The following CADPS variants were observed in gnomAD, a reference collection of about 807,000 sequenced individuals.
CADPS encodes calcium dependent secretion activator, also known as calcium-dependent secretion activator 1.
A neutral mutation model predicts 167.3 loss-of-function variants in CADPS; 57 were observed. That is an observed-to-expected ratio of 0.34 (90% CI 0.28 to 0.42). CADPS has a LOEUF of 0.42. Among genes scored for constraint, CADPS ranks in the 20% least tolerant of loss-of-function variants. The pLI, the probability that CADPS is intolerant of heterozygous loss-of-function variation, is 1.00. For synonymous variants in CADPS, 676 were observed against 635.3 expected, an observed-to-expected ratio of 1.06 and a Z score of -0.96; for missense variants, 1,414 against 1,738.1, an observed-to-expected ratio of 0.81 and a Z score of 3.32.
At chr3:62,508,245 C>T (rs1404517593) in intron 17 of CADPS, among the ~76,000 whole-genome samples, 1 of 152,158 alleles carries the variant, frequency 6.6e-6, no homozygotes, top group Admixed American at 6.6e-5. Context: ...TCTTGAATAG[C>T]ACATAGGACA....
intron 21 of CADPS, among the ~76,000 whole-genome samples, chr3:62,486,563 G>A (rs2062854343): frequency 6.6e-6 from 1 of 151,966 alleles, no homozygotes. Flanking sequence ...TGAGAAATGA[G>A]AATCCCAGAT....
intron 17 of CADPS, among the ~76,000 whole-genome samples, chr3:62,503,635 A>C (rs1266043763): frequency 1.3e-5 from 2 of 152,196 alleles, no homozygotes; most frequent in African/African-American, 4.8e-5. Context: ...CAGCTCATTT[A>C]ATTATTTTCA....
chr3:62,627,643 A>T (rs1299103362), intron 6 of CADPS, among the ~76,000 whole-genome samples: 3 of 16,438 alleles, frequency 1.8e-4, no homozygotes, highest in Admixed American at 1.2e-3. Flanking sequence ...ATACAGAATT[A>T]AAAAAATGTA....
At chr3:62,467,121 A>G (rs1216264024) in intron 24 of CADPS, among the ~76,000 whole-genome samples, 1 of 152,202 alleles carries the variant, frequency 6.6e-6, no homozygotes, top group East Asian at 1.9e-4. Flanking sequence ...CCCCACACAA[A>G]TAAAAATCTG....
Position 62,420,743 on chromosome 3 carries a change from G to A in CADPS, c.3777+17361C>T, listed in dbSNP as rs2051125864. Among the ~76,000 whole-genome samples the A allele has an allele frequency of 6.6e-6, 1 of 152,124 alleles. No homozygotes were observed. The highest frequency in any genetic ancestry group is 2.4e-5 in the African/African-American group (1 of 41,406). On this transcript the variant is annotated intron_variant, in intron 28 of 29. Transcript: ENST00000383710. The surrounding 1 kb of genome is among the most constrained non-coding windows in gnomAD (Gnocchi z 4.1). ...TTTTCACCATGTACAGCTGGGTTCT[G>A]CCTCCAATGGCGCCCTTTCCTCTTG...
chr3:62,619,930 T>A (rs2149453535), intron 6 of CADPS, among the ~76,000 whole-genome samples: 1 of 152,252 alleles, frequency 6.6e-6, no homozygotes, highest in East Asian at 1.9e-4. Context: ...TCAGGACACA[T>A]CTCTTGGTTT....
intron 6 of CADPS, among the ~76,000 whole-genome samples, chr3:62,610,947 G>C (rs903694259): frequency 1.6e-4 from 24 of 151,766 alleles, no homozygotes; most frequent in African/African-American, 5.8e-4. Context: ...CTCATTTTTC[G>C]GCTGTCACAC....
At chr3:62,833,033 G>A (rs1432102330) in intron 1 of CADPS, among the ~76,000 whole-genome samples, 1 of 152,270 alleles carries the variant, frequency 6.6e-6, no homozygotes, top group East Asian at 1.9e-4. Flanking sequence ...AATTAGGAAA[G>A]GGTAAGAAAG....
intron 18 of CADPS, among the ~76,000 whole-genome samples, chr3:62,496,448 C>G (rs560432541): frequency 1.3e-5 from 2 of 152,154 alleles, no homozygotes; most frequent in African/African-American, 4.8e-5. Context: ...GCTCTCAACA[C>G]GTTCTGTTTA....
chr3:62,605,763 G>A (rs1037727307), intron 6 of CADPS, among the ~76,000 whole-genome samples: 5 of 152,186 alleles, frequency 3.3e-5, no homozygotes, highest in African/African-American at 1.2e-4. Flanking sequence ...GTCCTAGCCT[G>A]ATTCTCAATA....
intron 6 of CADPS, among the ~76,000 whole-genome samples, chr3:62,613,817 AG>A (rs1334528494): frequency 1.3e-5 from 2 of 152,168 alleles, no homozygotes; most frequent in African/African-American, 4.8e-5. Context: ...ACCAATTAAG[AG>A]GCTTGGTTAG....
chr3:62,854,764 A>G lies in CADPS; in HGVS notation c.441+19825T>C, dbSNP rs186522686. On this transcript the variant is annotated intron_variant, in intron 1 of 29. Transcript: ENST00000383710. ...AAAATATTTCCTGTTTGTACTTGAT[A>G]AATTCTTTATTTAAAAAGGCAAAGA... 3.0e-3 allele frequency among the ~76,000 whole-genome samples: 455 copies of G among 152,326 alleles called. 2 individuals carry two copies. The highest frequency in any genetic ancestry group is 9.5e-3 in the African/African-American group (396 of 41,586).
At chr3:62,721,017 C>T (rs1440299629) in intron 3 of CADPS, among the ~76,000 whole-genome samples, 3 of 150,594 alleles carry the variant, frequency 2.0e-5, no homozygotes, top group Admixed American at 6.6e-5. Flanking sequence ...CGGGGTTTCA[C>T]TGCATTAGCC....
chr3:62,775,116 C>A (rs2089953543), intron 1 of CADPS, among the ~76,000 whole-genome samples: 1 of 152,020 alleles, frequency 6.6e-6, no homozygotes, highest in Non-Finnish European at 1.5e-5. Flanking sequence ...TGGCTCACTG[C>A]AACCTCTGCC....
intron 21 of CADPS, among the ~76,000 whole-genome samples, chr3:62,489,080 T>C (rs2063284103): frequency 6.6e-6 from 1 of 152,198 alleles, no homozygotes; most frequent in Non-Finnish European, 1.5e-5. Context: ...GGTATGAAGA[T>C]GATTTTTGAG....
intron 27 of CADPS, chr3:62,439,798 AG>A (rs1457058820): frequency 1.3e-5 from 2 of 152,208 alleles, no homozygotes; most frequent in Non-Finnish European, 2.9e-5. Context: ...CAAGTGCGGC[AG>A]ATCTATCAGT....
intron 17 of CADPS, among the ~76,000 whole-genome samples, chr3:62,509,712 G>A (rs2067375515): frequency 6.6e-6 from 1 of 152,144 alleles, no homozygotes; most frequent in Non-Finnish European, 1.5e-5. Context: ...ACAATGTAAA[G>A]ATTTTGTCAA....
chr3:62,743,863 G>C (rs887463904), intron 3 of CADPS, among the ~76,000 whole-genome samples: 1 of 152,150 alleles, frequency 6.6e-6, no homozygotes. Context: ...GGAAAAAAGA[G>C]CAGACCAAAT....
At chr3:62,754,448 A>G (rs554284299) in intron 2 of CADPS, among the ~76,000 whole-genome samples, 1 of 152,212 alleles carries the variant, frequency 6.6e-6, no homozygotes, top group South Asian at 2.1e-4. Context: ...TCGGCCTCCA[A>G]AAGTGCTGGG....
Sources: gnomAD v4.1 joint callset for allele counts (sites outside exome capture counted in the v4.1 genomes callset) on GRCh38, gnomAD v4.1.1 for gene constraint, Gnocchi (gnomAD v3.1) non-coding constraint, MANE v1.5 for transcripts, NCBI Gene and HGNC (gene_info 2026-07-23, HGNC 2026-07-21) for gene names.